MROH9: variants seen among roughly 807,000 people sequenced by gnomAD.
MROH9 encodes the protein maestro heat-like repeat-containing protein family member 9.
In MROH9, 92 loss-of-function variants were observed where a neutral mutation model predicts 98.2. The ratio of observed to expected loss-of-function variants is 0.94; its 90% confidence interval spans 0.79 to 1.11. The LOEUF is 1.11. Ranked by LOEUF, MROH9 falls within the 50% of genes most tolerant of loss-of-function variation. The pLI, the probability that MROH9 is intolerant of heterozygous loss-of-function variation, is 0.00. For synonymous variants in MROH9, 397 were observed against 368.9 expected, an observed-to-expected ratio of 1.08 and a Z score of -0.87; for missense variants, 1,057 against 1,014.8, an observed-to-expected ratio of 1.04 and a Z score of -0.57.
At position 171,022,501 on chromosome 1, in the gene MROH9, G is replaced by C. The variant is rs144628927; in HGVS notation, c.1909-1894G>C. Reference sequence around the variant, plus strand: ...TTCTCAGCAAACTAACACAGGAACAGAAAATGAAATACCACATGTTCTCAC... The same window carrying C: ...TTCTCAGCAAACTAACACAGGAACACAAAATGAAATACCACATGTTCTCAC... On this transcript the variant is annotated intron_variant, in intron 17 of 21. Transcript: ENST00000367759. 3.1e-3 allele frequency among the ~76,000 whole-genome samples: 471 copies of C among 152,208 alleles called. 5 individuals are homozygous for C. The highest frequency in any genetic ancestry group is 0.011 in the African/African-American group (441 of 41,522).
intron 20 of MROH9, among the ~76,000 whole-genome samples, chr1:171,049,800 C>T (rs577497899): frequency 6.6e-6 from 1 of 152,208 alleles, no homozygotes; most frequent in African/African-American, 2.4e-5. Flanking sequence ...CTCACCTCAG[C>T]CCCCTAAGTA....
Position 170,947,524 on chromosome 1 carries a change from T to C in MROH9, c.26-3T>C, listed in dbSNP as rs376924210. On this transcript the variant is annotated splice_polypyrimidine_tract_variant and splice_region_variant and intron_variant, in intron 2 of 21. Coordinates refer to ENST00000367759, the MANE Select transcript of MROH9 (RefSeq NM_001163629.2). ...TTTAACGAATCTCCTTCTTTCTGGC[T>C]AGAGAGTAGTCTCCAGATTCTGCAA... 1 of 1,610,302 alleles carries C rather than the reference T, an allele frequency of 6.2e-7. No individual in the cohort carries two copies. Among genetic ancestry groups the C allele is most frequent in the Non-Finnish European group, 8.5e-7 (1 of 1,177,182 alleles).
Position 171,007,569 on chromosome 1 carries a change from C to T in MROH9, c.1597-6548C>T, listed in dbSNP as rs1445834731. Among the ~76,000 whole-genome samples the T allele has an allele frequency of 7.9e-5, 12 of 152,108 alleles. 1 individual carries two copies. The highest frequency in any genetic ancestry group is 7.9e-4 in the Admixed American group (12 of 15,276). ...GGTCACTAGACAGGAAGAACTGCTC[C>T]CAAACTGAAGCTAAAAGGGGCTGGA... On this transcript the variant is annotated intron_variant, in intron 15 of 21. Transcript: ENST00000367759.
chr1:170,982,551 C>T (rs556997286), intron 8 of MROH9, among the ~76,000 whole-genome samples: 3 of 152,130 alleles, frequency 2.0e-5, no homozygotes, highest in African/African-American at 4.8e-5. Flanking sequence ...TAATGTTTTA[C>T]TGAGTGTATA....
chr1:171,047,712 G>C (rs1185605786), intron 20 of MROH9, among the ~76,000 whole-genome samples: 1 of 152,144 alleles, frequency 6.6e-6, no homozygotes, highest in African/African-American at 2.4e-5. Flanking sequence ...TGGTGTTGAT[G>C]ATAGCAGATG....
rs78560956 is a variant in MROH9 at position 171,002,790 on chromosome 1, T to A, written c.1596+4516T>A. Among the ~76,000 whole-genome samples the A allele has an allele frequency of 3.3e-3, 506 of 152,328 alleles. 3 individuals are homozygous for A. The highest frequency in any genetic ancestry group is 0.011 in the African/African-American group (461 of 41,574). ...CTTCTTTGAGCTTCTTCTATCTGCA[T>A]GTCGAGATCTCTAGCAAGGCTGGGG... On this transcript the variant is annotated intron_variant, in intron 15 of 21. Transcript: ENST00000367759.
Position 170,998,913 on chromosome 1 carries a change from G to T in MROH9, c.1596+639G>T, listed in dbSNP as rs1184552662. ...TTTGAGGTGATTTCAAACACCATAG[G>T]AAAACGGTTAATAAATTATGAAAAG... On this transcript the variant is annotated intron_variant, in intron 15 of 21. Transcript: ENST00000367759. 71 of 225,870 alleles carry T rather than the reference G, an allele frequency of 3.1e-4. No homozygotes were observed. The East Asian group carries it at 0.011, about 34-fold the overall frequency. 14.0% of individuals were successfully genotyped at this position (225,870 alleles called of 1,614,324 possible). A position where few individuals can be genotyped will look rare whatever the true frequency, so the allele number is the denominator to read the frequency against.
At chr1:171,041,701 A>G (rs1653311468) in intron 20 of MROH9, among the ~76,000 whole-genome samples, 1 of 152,048 alleles carries the variant, frequency 6.6e-6, no homozygotes, top group South Asian at 2.1e-4. Context: ...ATGTATATGC[A>G]TTCATTTTTC....
chr1:170,970,212 G>A (rs1238671074), intron 7 of MROH9, among the ~76,000 whole-genome samples: 1 of 152,108 alleles, frequency 6.6e-6, no homozygotes, highest in Non-Finnish European at 1.5e-5. Flanking sequence ...GACATTTGAG[G>A]CAAAACCTGT....
intron 3 of MROH9, among the ~76,000 whole-genome samples, chr1:170,956,603 T>G (rs1649770443): frequency 6.7e-6 from 1 of 149,510 alleles, no homozygotes; most frequent in African/African-American, 2.5e-5. Context: ...TTGTTTTTTT[T>G]TTTTTTTGCA....
chr1:171,045,958 A>G (rs1186823856), intron 20 of MROH9, among the ~76,000 whole-genome samples: 1 of 152,156 alleles, frequency 6.6e-6, no homozygotes, highest in Admixed American at 6.5e-5. Context: ...TATTTCCTCT[A>G]TATATCTGAG....
chr1:171,015,803 C>T (rs182824043), intron 16 of MROH9, among the ~76,000 whole-genome samples: 15 of 152,224 alleles, frequency 9.9e-5, no homozygotes, highest in African/African-American at 3.4e-4. Flanking sequence ...ACATCACTAA[C>T]CATGGAACTG....
chr1:171,062,204 G>C lies in MROH9; in HGVS notation c.2344+10G>C. On this transcript the variant is annotated intron_variant, in intron 21 of 21. Transcript: ENST00000367759. ...GAAGTCATGCTTGATGGTGAGTATT[G>C]AGGTTATAACAAAATCTTTATGCAT... The C allele has an allele frequency of 6.5e-7, 1 of 1,534,096 alleles. No homozygotes were observed. The highest frequency in any genetic ancestry group is 1.2e-5 in the South Asian group (1 of 82,916).
rs115420650 is a variant in MROH9 at position 171,064,602 on chromosome 1, A to G, written c.*262A>G. The G allele has an allele frequency of 2.7e-3, 877 of 325,826 alleles. 12 individuals carry two copies. Among genetic ancestry groups the G allele is most frequent in the African/African-American group, 0.018 (813 of 46,236 alleles). The allele number at this position is 325,826 out of a possible 1,614,324, so 20.2% of individuals were successfully genotyped here. ...TTCATCAAAACCACTAAGACAATTG[A>G]AAATAACATAAGCAAAGTGTTTGAT... is the stretch of plus-strand genomic sequence containing the variant. On this transcript the variant is annotated 3_prime_UTR_variant, in exon 22 of 22. Coordinates refer to ENST00000367759, the MANE Select transcript of MROH9 (RefSeq NM_001163629.2).
chr1:171,028,838 G>C (rs180881661), intron 20 of MROH9, among the ~76,000 whole-genome samples: 1 of 152,286 alleles, frequency 6.6e-6, no homozygotes, highest in African/African-American at 2.4e-5. Flanking sequence ...TCTATCATTG[G>C]TGTAAATGAA....
At chr1:171,016,478 T>C (rs762309375) in intron 17 of MROH9, 142 bp downstream of exon 17, 3 of 587,296 alleles carry the variant, frequency 5.1e-6, no homozygotes, top group Non-Finnish European at 5.2e-6. Flanking sequence ...AAATATTAGG[T>C]AAGTACTGGT....
chr1:170,956,474 G>A (rs904307484), intron 3 of MROH9, among the ~76,000 whole-genome samples: 1 of 151,440 alleles, frequency 6.6e-6, no homozygotes, highest in Non-Finnish European at 1.5e-5. Context: ...TTTTGTTTGT[G>A]TCATCTATGA....
At chr1:171,029,612 G>A (rs1415304286) in intron 20 of MROH9, among the ~76,000 whole-genome samples, 1 of 152,194 alleles carries the variant, frequency 6.6e-6, no homozygotes, top group Non-Finnish European at 1.5e-5. Context: ...ATTTGCATAT[G>A]TTGAATCAGC....
intron 20 of MROH9, among the ~76,000 whole-genome samples, chr1:171,031,604 C>T (rs909183466): frequency 5.9e-5 from 9 of 152,066 alleles, no homozygotes; most frequent in African/African-American, 1.9e-4. Flanking sequence ...TGAATTTGTC[C>T]CCCAATCTCT....
Sources: gnomAD v4.1 joint callset for allele counts (sites outside exome capture counted in the v4.1 genomes callset) on GRCh38, gnomAD v4.1.1 for gene constraint, MANE v1.5 for transcripts, NCBI Gene and HGNC (gene_info 2026-07-23, HGNC 2026-07-21) for gene names.